The following SYT14 variants were observed in gnomAD, a reference collection of about 807,000 sequenced individuals.
The protein encoded by SYT14 is synaptotagmin 14.
A neutral mutation model predicts 74.2 loss-of-function variants in SYT14; 32 were observed. The ratio of observed to expected loss-of-function variants is 0.43; its 90% CI spans 0.33 to 0.58. The LOEUF is 0.58. Ranked by LOEUF, SYT14 falls within the 20% of genes least tolerant of loss-of-function variation. The pLI is 0.05. For synonymous variants in SYT14, 298 were observed against 337.7 expected (o/e 0.88, Z 1.29); for missense variants, 791 against 981.8 (o/e 0.81, Z 2.60).
intron 2 of SYT14, among the ~76,000 whole-genome samples, chr1:210,007,872 A>C (rs2080016998): frequency 1.3e-5 from 2 of 152,164 alleles, no homozygotes; most frequent in South Asian, 4.1e-4. Context: ...AGACTAAGAT[A>C]ATATTATAGT....
chr1:210,130,120 C>T (rs2082643902), intron 7 of SYT14, among the ~76,000 whole-genome samples: 1 of 152,194 alleles, frequency 6.6e-6, no homozygotes, highest in Non-Finnish European at 1.5e-5. Flanking sequence ...TATTATAAAA[C>T]TGTTTTTTCC....
intron 5 of SYT14, among the ~76,000 whole-genome samples, chr1:210,077,063 C>T (rs1046691011): frequency 1.3e-5 from 2 of 152,072 alleles, no homozygotes; most frequent in African/African-American, 2.4e-5. Context: ...AAGGAAATAC[C>T]TGAGACTGGG....
rs565184877 is a variant in SYT14, at chr1:210,020,857, A to G, written c.1097-182A>G. The stretch of plus-strand genomic sequence containing the variant: ...AAAATTCAGGTTGTGTATAATATAT[A>G]TGTGTGTGTGTGTGTATATATGTGT... On this transcript the variant is annotated intron_variant, in intron 4 of 9. Coordinates refer to ENST00000637265, the Ensembl canonical transcript of SYT14. Among the ~76,000 whole-genome samples the G allele has an allele frequency of 0.027, 4,133 of 151,536 alleles. 198 individuals carry two copies. The highest frequency in any genetic ancestry group is 0.094 in the African/African-American group (3,874 of 41,240).
intron 5 of SYT14, among the ~76,000 whole-genome samples, chr1:210,039,705 G>A (rs769631006): frequency 5.3e-5 from 8 of 151,986 alleles, no homozygotes; most frequent in Non-Finnish European, 7.4e-5. Flanking sequence ...CAACTTCATC[G>A]AAAACTGGGT....
At chr1:210,117,551 C>T (rs2082384576) in intron 7 of SYT14, among the ~76,000 whole-genome samples, 1 of 151,952 alleles carries the variant, frequency 6.6e-6, no homozygotes, top group African/African-American at 2.4e-5. Context: ...TAGACAACAA[C>T]AGTAATGAGT....
At chr1:210,118,750 A>G (rs2082405248) in intron 7 of SYT14, among the ~76,000 whole-genome samples, 1 of 152,118 alleles carries the variant, frequency 6.6e-6, no homozygotes, top group African/African-American at 2.4e-5. Context: ...TTTTATAATA[A>G]TAATAGTTGT....
intron 5 of SYT14, among the ~76,000 whole-genome samples, chr1:210,071,794 G>A (rs1360046524): frequency 1.3e-5 from 2 of 151,876 alleles, no homozygotes; most frequent in Admixed American, 6.6e-5. Context: ...AAAAAGCTTC[G>A]ATTCCATTTT....
intron 5 of SYT14, among the ~76,000 whole-genome samples, chr1:210,084,616 T>G (rs1195350435): frequency 6.6e-6 from 1 of 152,234 alleles, no homozygotes; most frequent in African/African-American, 2.4e-5. Flanking sequence ...AGAACAAGAA[T>G]TCTTTGTTTC....
intron 5 of SYT14, among the ~76,000 whole-genome samples, chr1:210,088,709 A>G (rs968386426): frequency 2.6e-5 from 4 of 151,910 alleles, no homozygotes; most frequent in African/African-American, 9.7e-5. Context: ...GCTGGAAACC[A>G]TCATTCTTAT....
chr1:210,150,392 T>C (rs1023193144), intron 7 of SYT14, among the ~76,000 whole-genome samples: 3 of 152,208 alleles, frequency 2.0e-5, no homozygotes, highest in African/African-American at 7.2e-5. Context: ...GGCTCTCCTT[T>C]ACGCTAGACT....
intron 5 of SYT14, among the ~76,000 whole-genome samples, chr1:210,074,919 C>CTA: frequency 6.6e-6 from 1 of 152,134 alleles, no homozygotes; most frequent in Middle Eastern, 3.4e-3. Flanking sequence ...CTCAATTAGA[C>CTA]CCCTGCCTTA....
At chr1:210,089,456 C>G (rs2081817542) in intron 5 of SYT14, among the ~76,000 whole-genome samples, 1 of 152,230 alleles carries the variant, frequency 6.6e-6, no homozygotes, top group African/African-American at 2.4e-5. Flanking sequence ...GATCGCCACA[C>G]TGTCTTCCAC....
chr1:210,098,038 G>A (rs1447438547), intron 6 of SYT14, among the ~76,000 whole-genome samples: 9 of 152,048 alleles, frequency 5.9e-5, no homozygotes, highest in African/African-American at 2.2e-4. Context: ...AGCCAGGTGT[G>A]GTCGTGTATG....
intron 7 of SYT14, among the ~76,000 whole-genome samples, chr1:210,113,021 G>A (rs2082293529): frequency 6.6e-6 from 1 of 151,288 alleles, no homozygotes; most frequent in Admixed American, 6.6e-5. Flanking sequence ...TTTATTTTGA[G>A]GGCCTCTAAA....
In SYT14 at chr1:209,970,662, C is replaced by CTTTTTTTTTTTTT. The variant is rs35639848; in HGVS notation, c.-486+17933_-486+17945dup. On this transcript the variant is annotated intron_variant, in intron 2 of 9. Transcript: ENST00000637265. ...TTACAGATTGCTTTGGGCAGTATGG[C>CTTTTTTTTTTTTT]TTTTTTTTTTTTTTTTTTTTTTTTT... Among the ~76,000 whole-genome samples, 22 of 62,808 alleles carry CTTTTTTTTTTTTT rather than the reference C, an allele frequency of 3.5e-4. 7 individuals carry two copies. Among genetic ancestry groups the CTTTTTTTTTTTTT allele is most frequent in the Non-Finnish European group, 5.7e-4 (20 of 35,340 alleles). 41.2% of individuals were successfully genotyped at this position (62,808 alleles called of 152,430 possible). A position where few individuals can be genotyped will look rare whatever the true frequency, so the allele number is the denominator to read the frequency against.
intron 7 of SYT14, among the ~76,000 whole-genome samples, chr1:210,113,786 CTAA>C (rs1350241011): frequency 2.6e-5 from 4 of 150,964 alleles, no homozygotes; most frequent in Non-Finnish European, 4.4e-5. Flanking sequence ...ATGTCTCCAC[CTAA>C]TAAGGGAGCT....
intron 5 of SYT14, among the ~76,000 whole-genome samples, chr1:210,055,774 GA>G (rs1444801601): frequency 6.7e-6 from 1 of 148,786 alleles, no homozygotes; most frequent in Non-Finnish European, 1.5e-5. Flanking sequence ...CACTGAACTC[GA>G]AATTAAAAAA....
chr1:210,028,628 AC>A (rs1263821569), intron 5 of SYT14, among the ~76,000 whole-genome samples: 7 of 152,276 alleles, frequency 4.6e-5, no homozygotes, highest in African/African-American at 1.7e-4. Context: ...GCTGAATAAT[AC>A]TCTGTTTTGT....
chr1:210,150,908 T>C (rs183487672), intron 7 of SYT14, among the ~76,000 whole-genome samples: 1 of 152,346 alleles, frequency 6.6e-6, no homozygotes, highest in African/African-American at 2.4e-5. Flanking sequence ...TTTCTCTATG[T>C]ATGTACAAGC....
Sources: gnomAD v4.1 joint callset for allele counts (sites outside exome capture counted in the v4.1 genomes callset) on GRCh38, gnomAD v4.1.1 for gene constraint, MANE v1.5 for transcripts, NCBI Gene and HGNC (gene_info 2026-07-23, HGNC 2026-07-21) for gene names.